Variants in PAN3 observed in about 807,000 individuals in gnomAD.
The protein encoded by PAN3 is poly(A) specific ribonuclease subunit PAN3.
Under a neutral mutation model 96.2 loss-of-function variants are expected in PAN3, and 19 were observed. The ratio of observed to expected loss-of-function variants is 0.20; its 90% CI spans 0.14 to 0.29. PAN3 has a LOEUF of 0.29. Among genes scored for constraint, PAN3 ranks in the 10% least tolerant of loss-of-function variants. The probability of loss-of-function intolerance (pLI) is 1.00; values close to 1 mark genes in which losing one functional copy is unlikely to be tolerated. For missense variants in PAN3, 882 were observed against 1,108.1 expected (o/e 0.80, Z 2.90); for synonymous variants, 433 against 406.6 (o/e 1.06, Z -0.78).
At chr13:28,168,472 A>T (rs1847878437) in intron 1 of PAN3, among the ~76,000 whole-genome samples, 1 of 152,178 alleles carries the variant, frequency 6.6e-6, no homozygotes, top group South Asian at 2.1e-4. Context: ...TAATCCCAGC[A>T]GTTTGGAAGG....
At chr13:28,197,406 CTGTT>C (rs777595595) in intron 5 of PAN3, 60 bp downstream of exon 5, 9 of 1,471,220 alleles carry the variant, frequency 6.1e-6, no homozygotes, top group Non-Finnish European at 8.3e-6. Flanking sequence ...CTTTCTGTGT[CTGTT>C]TGGGGTGGTG....
At chr13:28,209,328 A>AC (rs1000276013) in intron 5 of PAN3, among the ~76,000 whole-genome samples, 1 of 152,216 alleles carries the variant, frequency 6.6e-6, no homozygotes, top group Non-Finnish European at 1.5e-5. Context: ...TATTTTAGTG[A>AC]CCATCTTTAG....
intron 1 of PAN3, among the ~76,000 whole-genome samples, chr13:28,166,141 AGGTATG>A (rs1472578034): frequency 6.6e-6 from 1 of 152,192 alleles, no homozygotes; most frequent in East Asian, 1.9e-4. Flanking sequence ...CATCTAAATT[AGGTATG>A]GATGAGACTC....
intron 1 of PAN3, among the ~76,000 whole-genome samples, chr13:28,162,438 A>C (rs949710918): frequency 6.6e-6 from 1 of 152,100 alleles, no homozygotes; most frequent in Non-Finnish European, 1.5e-5. Flanking sequence ...TAATCCCAGC[A>C]CTTTGGGAGG....
At chr13:28,215,852 TGGCAA>T (rs1323416385) in intron 5 of PAN3, 9 of 1,392,336 alleles carry the variant, frequency 6.5e-6, no homozygotes, top group Non-Finnish European at 9.1e-6. Context: ...CTGCTGGAGC[TGGCAA>T]GGTCACCAGG....
intron 1 of PAN3, among the ~76,000 whole-genome samples, chr13:28,150,358 G>T (rs927024702): frequency 1.3e-5 from 2 of 152,200 alleles, no homozygotes; most frequent in Non-Finnish European, 1.5e-5. Context: ...AGGCACTGTG[G>T]CTCATGCCTG....
Position 28,175,956 on chromosome 13 carries a change from A to G in PAN3, c.553-537A>G, listed in dbSNP as rs573568700. Among the ~76,000 whole-genome samples, 29 of 152,354 alleles carry G rather than the reference A, an allele frequency of 1.9e-4. No homozygotes were observed. The South Asian group carries it at 3.3e-3, about 17-fold the overall frequency. ...TTTAAGGCATTGAGTTAGAAGTTAC[A>G]TATGAGACAAGGATTTGTGGGCATG... On this transcript the variant is annotated intron_variant, in intron 2 of 18. Transcript: ENST00000380958.
chr13:28,207,931 A>G (rs1036940469), intron 5 of PAN3, among the ~76,000 whole-genome samples: 2 of 152,208 alleles, frequency 1.3e-5, no homozygotes, highest in Non-Finnish European at 2.9e-5. Flanking sequence ...CACAGCGCCT[A>G]GTACACTGCC....
Position 28,292,710 on chromosome 13 carries a change from GC to G in PAN3, c.*189del, listed in dbSNP as rs1869905831. On this transcript the variant is annotated 3_prime_UTR_variant, in exon 19 of 19. Transcript: ENST00000380958. ...ATGTTTCACTTACCCAAGAGCTATGGCTGCCATTGGAGGCTGTTATCTGTGA... is the reference window on the plus strand; with the variant it reads ...ATGTTTCACTTACCCAAGAGCTATGGTGCCATTGGAGGCTGTTATCTGTGA... The G allele has an allele frequency of 4.6e-6, 2 of 433,992 alleles. No homozygotes were observed. Among genetic ancestry groups the G allele is most frequent in the Non-Finnish European group, 7.8e-6 (2 of 255,874 alleles). The allele number at this position is 433,992 out of a possible 1,614,324, so 26.9% of individuals were successfully genotyped here.
At chr13:28,153,397 G>T (rs1247426938) in intron 1 of PAN3, among the ~76,000 whole-genome samples, 1 of 151,748 alleles carries the variant, frequency 6.6e-6, no homozygotes, top group African/African-American at 2.4e-5. Flanking sequence ...CACCATGCCT[G>T]GCTAATTTTT....
At chr13:28,164,159 A>G (rs1161921610) in intron 1 of PAN3, among the ~76,000 whole-genome samples, 2 of 152,186 alleles carry the variant, frequency 1.3e-5, no homozygotes, top group Non-Finnish European at 2.9e-5. Flanking sequence ...TATAAGTACA[A>G]TTCAGTTATT....
Position 28,256,279 on chromosome 13 carries a change from A to C in PAN3, c.1001-13A>C. ...TATTGCTCCATTAAGAAACATTTTTACATCTTCTTCAGGAATGTCGTTGTC... is the reference window on the plus strand; with the variant it reads ...TATTGCTCCATTAAGAAACATTTTTCCATCTTCTTCAGGAATGTCGTTGTC... On this transcript the variant is annotated splice_polypyrimidine_tract_variant and intron_variant, in intron 6 of 18. Transcript: ENST00000380958. 6.2e-7 allele frequency: 1 copy of C among 1,605,488 alleles called. No individual in the cohort carries two copies.
At chr13:28,181,362 T>G (rs893981082) in intron 4 of PAN3, among the ~76,000 whole-genome samples, 1 of 151,790 alleles carries the variant, frequency 6.6e-6, no homozygotes, top group Non-Finnish European at 1.5e-5. Context: ...CCAAAAACAT[T>G]AGCCAGGAGT....
chr13:28,151,285 G>T (rs912716616), intron 1 of PAN3, among the ~76,000 whole-genome samples: 1 of 152,154 alleles, frequency 6.6e-6, no homozygotes, highest in African/African-American at 2.4e-5. Flanking sequence ...GGAGGCCGAG[G>T]TGGGCAGATC....
chr13:28,264,647 C>T lies in PAN3; in HGVS notation c.1412-2068C>T, dbSNP rs377741875. ...TAAGTTGTAATAATTTACTAGCAAC[C>T]CCATAGCAAACGAGTGCCTACTATC... is the stretch of plus-strand genomic sequence containing the variant. On this transcript the variant is annotated intron_variant, in intron 9 of 18. Transcript: ENST00000380958. 3.3e-5 allele frequency among the ~76,000 whole-genome samples: 5 copies of T among 152,070 alleles called. No homozygotes were observed. The East Asian group carries it at 7.7e-4, about 23-fold the overall frequency.
chr13:28,161,730 G>A (rs1453678040), intron 1 of PAN3, among the ~76,000 whole-genome samples: 1 of 152,202 alleles, frequency 6.6e-6, no homozygotes, highest in Non-Finnish European at 1.5e-5. Flanking sequence ...CTCCACAGAA[G>A]CTTTATCATA....
intron 6 of PAN3, among the ~76,000 whole-genome samples, chr13:28,249,746 G>A (rs904857173): frequency 1.3e-5 from 2 of 152,200 alleles, no homozygotes; most frequent in South Asian, 2.1e-4. Flanking sequence ...CACCGCGCCC[G>A]GCCAATAAGA....
At chr13:28,159,107 G>A (rs9582004) in intron 1 of PAN3, among the ~76,000 whole-genome samples, 44,375 of 151,974 alleles carry the variant, frequency 0.29, 9,229 homozygotes, top group African/African-American at 0.59. Context: ...ATTTTTAGGT[G>A]TATACCCAAA....
At chr13:28,213,210 C>A (rs1236317518) in intron 5 of PAN3, among the ~76,000 whole-genome samples, 1 of 152,044 alleles carries the variant, frequency 6.6e-6, no homozygotes, top group Admixed American at 6.5e-5. Context: ...ATTTATATTT[C>A]ATTAGGTATA....
Sources: gnomAD v4.1 joint callset for allele counts (sites outside exome capture counted in the v4.1 genomes callset) on GRCh38, gnomAD v4.1.1 for gene constraint, MANE v1.5 for transcripts, NCBI Gene and HGNC (gene_info 2026-07-23, HGNC 2026-07-21) for gene names.